Variants in RAPGEF4 observed in about 807,000 individuals in gnomAD.
RAPGEF4 encodes RAP guanine-nucleotide-exchange factor (GEF) 4.
In RAPGEF4, 66 loss-of-function variants were observed where a neutral mutation model predicts 147.9. The ratio of observed to expected loss-of-function variants is 0.45; its 90% CI spans 0.37 to 0.55. The LOEUF (loss-of-function observed/expected upper bound fraction) is 0.55, where lower values mean the gene tolerates loss of function less well. Among genes scored for constraint, RAPGEF4 ranks in the 20% least tolerant of loss-of-function variants. The pLI is 0.00. For synonymous variants in RAPGEF4, 419 were observed against 442.7 expected (o/e 0.95, Z 0.67); for missense variants, 1,071 against 1,257.3 (o/e 0.85, Z 2.24).
rs1237741290 is a variant in RAPGEF4, at chr2:172,797,546, G to T, written c.230G>T (p.Gly77Val). 1 of 1,613,386 alleles carries T rather than the reference G, an allele frequency of 6.2e-7. No homozygotes were observed. Among genetic ancestry groups the T allele is most frequent in the Non-Finnish European group, 8.5e-7 (1 of 1,179,724 alleles). ...CCAGTATTTCGCCAGGGTGATATTG[G>T]AACAAACTGGTATGCTGTCCTGGCA... is the stretch of plus-strand genomic sequence containing the variant. ...GITLFRQGDI[G>V]TNWYAVLAGS... The change falls in exon 3 of 31, where the codon GGA (glycine) becomes GTA (valine). Residue 77 changes from glycine (G) to valine (V), a missense_variant. Transcript: ENST00000397081.
At chr2:172,977,212 C>T (rs765667138) in intron 10 of RAPGEF4, among the ~76,000 whole-genome samples, 5 of 152,168 alleles carry the variant, frequency 3.3e-5, no homozygotes, top group Non-Finnish European at 7.3e-5. Context: ...AGCCAGATTG[C>T]CTTCAGTCCT....
intron 10 of RAPGEF4, among the ~76,000 whole-genome samples, chr2:172,982,933 C>A (rs1353936060): frequency 1.3e-5 from 2 of 152,104 alleles, no homozygotes; most frequent in Non-Finnish European, 2.9e-5. Context: ...TCATCTCATG[C>A]CCTTATCTCC....
intron 1 of RAPGEF4, among the ~76,000 whole-genome samples, chr2:172,782,637 G>C (rs533160492): frequency 6.6e-6 from 1 of 152,132 alleles, no homozygotes; most frequent in Non-Finnish European, 1.5e-5. Flanking sequence ...GCTTACTATG[G>C]TGAAAATTAC....
At chr2:173,033,746 T>C (rs769082353) in intron 26 of RAPGEF4, among the ~76,000 whole-genome samples, 168 bp from the exon 27 acceptor site, 11 of 152,244 alleles carry the variant, frequency 7.2e-5, no homozygotes, top group Non-Finnish European at 2.9e-5. Flanking sequence ...GTTCTCTATA[T>C]TCTGGAAGAT....
intron 1 of RAPGEF4, among the ~76,000 whole-genome samples, chr2:172,737,227 A>G (rs1284922781): frequency 6.6e-6 from 1 of 152,268 alleles, no homozygotes; most frequent in Non-Finnish European, 1.5e-5. Flanking sequence ...TATGTCTAAA[A>G]TGATATGTAC....
At chr2:172,981,147 C>G (rs936067343) in intron 10 of RAPGEF4, among the ~76,000 whole-genome samples, 1 of 152,194 alleles carries the variant, frequency 6.6e-6, no homozygotes, top group Non-Finnish European at 1.5e-5. Flanking sequence ...CAGCCCACCC[C>G]ATGGAGGTGA....
chr2:172,808,273 G>A (rs574281527), intron 3 of RAPGEF4, among the ~76,000 whole-genome samples: 12 of 152,258 alleles, frequency 7.9e-5, no homozygotes, highest in South Asian at 4.2e-4. Context: ...TAACTCAGAC[G>A]TACAAAGCAG....
At chr2:172,755,940 C>T (rs1695731608) in intron 1 of RAPGEF4, among the ~76,000 whole-genome samples, 1 of 152,156 alleles carries the variant, frequency 6.6e-6, no homozygotes, top group Admixed American at 6.5e-5. Context: ...CTTGTAGACT[C>T]ATGTAACTAC....
At chr2:172,775,692 G>A (rs1172280881) in intron 1 of RAPGEF4, among the ~76,000 whole-genome samples, 1 of 151,840 alleles carries the variant, frequency 6.6e-6, no homozygotes, top group African/African-American at 2.4e-5. Flanking sequence ...ATTAGACTCA[G>A]TGGGTATGAC....
At chr2:172,996,781 A>G (rs1012084501) in intron 16 of RAPGEF4, among the ~76,000 whole-genome samples, 6 of 152,152 alleles carry the variant, frequency 3.9e-5, no homozygotes, top group African/African-American at 1.4e-4. Flanking sequence ...CCTCATTTCT[A>G]CATACTATGC....
intron 27 of RAPGEF4, 64 bp downstream of exon 27, chr2:173,034,028 A>G: frequency 4.7e-6 from 7 of 1,488,586 alleles, no homozygotes; most frequent in Non-Finnish European, 6.4e-6. Context: ...TGATTAGCTG[A>G]ATTGAAGTTC....
intron 1 of RAPGEF4, chr2:172,744,165 C>G (rs143931626): frequency 4.1e-6 from 1 of 242,676 alleles, no homozygotes; most frequent in African/African-American, 2.3e-5. Flanking sequence ...CACATCTAAC[C>G]AGTCACTAAT....
At chr2:172,967,541 T>A (rs1287154604) in intron 10 of RAPGEF4, 97 bp downstream of exon 10, 1 of 1,295,224 alleles carries the variant, frequency 7.7e-7, no homozygotes, top group Non-Finnish European at 1.0e-6. Flanking sequence ...TCAAAAGCCC[T>A]GGCCATCCCC....
chr2:173,002,463 G>T (rs1291862725), intron 17 of RAPGEF4, among the ~76,000 whole-genome samples: 1 of 151,984 alleles, frequency 6.6e-6, no homozygotes, highest in Non-Finnish European at 1.5e-5. Flanking sequence ...AAAAGAAGTG[G>T]GTATTATTAA....
At position 172,791,574 on chromosome 2, in the gene RAPGEF4, A is replaced by G. The variant is rs553700881; in HGVS notation, c.66-3451A>G. Among the ~76,000 whole-genome samples the G allele has an allele frequency of 1.4e-4, 21 of 152,310 alleles. No homozygotes were observed. The South Asian group carries it at 2.7e-3, about 20-fold the overall frequency. Reference sequence around the variant, plus strand: ...TTTTCCCCACTCCATGAAGTACCCAATAAAATTAATGACAGATAGAAGGTT... The same window carrying G: ...TTTTCCCCACTCCATGAAGTACCCAGTAAAATTAATGACAGATAGAAGGTT... On this transcript the variant is annotated intron_variant, in intron 1 of 30. Coordinates refer to ENST00000397081, the MANE Select transcript of RAPGEF4 (RefSeq NM_007023.4).
chr2:172,922,261 G>A lies in RAPGEF4; in HGVS notation c.518-20G>A, dbSNP rs761592401. Reference sequence around the variant, plus strand: ...ATTATACAATTCATGGCCTCTCTCTGTCTCTTTTTCCTCCTTTAGGGATTC... The same window carrying A: ...ATTATACAATTCATGGCCTCTCTCTATCTCTTTTTCCTCCTTTAGGGATTC... On this transcript the variant is annotated intron_variant, in intron 5 of 30. Transcript: ENST00000397081. 1 of 1,606,158 alleles carries A rather than the reference G, an allele frequency of 6.2e-7. No individual in the cohort carries two copies. Among genetic ancestry groups the A allele is most frequent in the South Asian group, 1.1e-5 (1 of 90,870 alleles).
chr2:172,797,170 T>A (rs1468530362), intron 2 of RAPGEF4, among the ~76,000 whole-genome samples: 6 of 152,172 alleles, frequency 3.9e-5, no homozygotes, highest in Non-Finnish European at 7.4e-5. Flanking sequence ...AAAGGAGAGG[T>A]GCTAGTCTAG....
chr2:173,002,230 C>T (rs975787549), intron 17 of RAPGEF4, among the ~76,000 whole-genome samples: 2 of 152,122 alleles, frequency 1.3e-5, no homozygotes, highest in Non-Finnish European at 2.9e-5. Context: ...CATTCATCCT[C>T]GTCTATCCTC....
intron 1 of RAPGEF4, among the ~76,000 whole-genome samples, chr2:172,765,802 T>C (rs1161405932): frequency 6.6e-6 from 1 of 152,180 alleles, no homozygotes; most frequent in African/African-American, 2.4e-5. Flanking sequence ...GCTGCCACTG[T>C]TGGGAGGTGG....
Sources: allele counts gnomAD v4.1 joint callset (sites outside exome capture counted in the v4.1 genomes callset), GRCh38; gene constraint gnomAD v4.1.1; transcripts MANE v1.5; gene names NCBI Gene and HGNC (gene_info 2026-07-23, HGNC 2026-07-21).